The following FCHSD2 variants were observed in gnomAD, a reference collection of about 807,000 sequenced individuals.
FCHSD2 encodes FCH and double SH3 domains 2.
Under a neutral mutation model 108.1 loss-of-function variants are expected in FCHSD2, and 38 were observed. That is an observed-to-expected ratio of 0.35 (90% confidence interval 0.27 to 0.46). FCHSD2 has a LOEUF of 0.46. Among genes scored for constraint, FCHSD2 ranks in the 20% least tolerant of loss-of-function variants. FCHSD2 has a pLI of 1.00. For missense variants in FCHSD2, 751 were observed against 897.8 expected (o/e 0.84, Z 2.09); for synonymous variants, 279 against 314.7 (o/e 0.89, Z 1.20).
intron 4 of FCHSD2, among the ~76,000 whole-genome samples, chr11:73,009,336 A>G (rs1163475498): frequency 1.3e-5 from 2 of 152,046 alleles, no homozygotes; most frequent in Admixed American, 1.3e-4. Context: ...ATCTCTACTA[A>G]AAATACAAAA....
intron 8 of FCHSD2, among the ~76,000 whole-genome samples, chr11:72,943,242 C>T (rs1411774912): frequency 6.6e-6 from 1 of 151,968 alleles, no homozygotes; most frequent in East Asian, 1.9e-4. Context: ...ATCTGCCCAC[C>T]TCTACCTCCC....
chr11:73,053,137 C>A (rs1858940872), intron 3 of FCHSD2, among the ~76,000 whole-genome samples: 1 of 149,546 alleles, frequency 6.7e-6, no homozygotes, highest in Non-Finnish European at 1.5e-5. Context: ...TGAGCCACTG[C>A]ACCCAGCCTT....
intron 3 of FCHSD2, among the ~76,000 whole-genome samples, chr11:73,070,475 G>A (rs1383895907): frequency 6.6e-6 from 1 of 152,112 alleles, no homozygotes; most frequent in East Asian, 1.9e-4. Flanking sequence ...CCAGGCTGGA[G>A]TGCAGTGGCA....
intron 2 of FCHSD2, among the ~76,000 whole-genome samples, chr11:73,126,568 C>T (rs930991111): frequency 7.3e-5 from 11 of 151,552 alleles, no homozygotes; most frequent in Admixed American, 2.6e-4. Context: ...AATTAAAAGC[C>T]AAAAATGGCA....
chr11:73,007,451 T>C (rs953000154), intron 4 of FCHSD2, among the ~76,000 whole-genome samples: 1 of 151,900 alleles, frequency 6.6e-6, no homozygotes, highest in Non-Finnish European at 1.5e-5. Context: ...CAAAACCTCA[T>C]CTCTACAAAA....
intron 9 of FCHSD2, among the ~76,000 whole-genome samples, chr11:72,916,913 T>C (rs944818725): frequency 6.6e-6 from 1 of 151,680 alleles, no homozygotes; most frequent in Non-Finnish European, 1.5e-5. Context: ...AGGTCATTGA[T>C]CAATTTTGAG....
chr11:73,142,191 T>G lies in FCHSD2; in HGVS notation c.-314A>C. Reference sequence around the variant, plus strand: ...GGCCCCAGGAGCAGGGGCGCGAGGGTCTCAGCCGGCCGGGCGGCGGGTTAG... The same window carrying G: ...GGCCCCAGGAGCAGGGGCGCGAGGGGCTCAGCCGGCCGGGCGGCGGGTTAG... On this transcript the variant is annotated 5_prime_UTR_variant, in exon 1 of 20. Coordinates refer to ENST00000409418, the MANE Select transcript of FCHSD2 (RefSeq NM_014824.3). The G allele has an allele frequency of 5.3e-6, 1 of 190,256 alleles. No individual in the cohort carries two copies. The highest frequency in any genetic ancestry group is 1.1e-5 in the Non-Finnish European group (1 of 93,918). 11.8% of individuals were successfully genotyped at this position (190,256 alleles called of 1,614,324 possible). A position where few individuals can be genotyped will look rare whatever the true frequency, so the allele number is the denominator to read the frequency against.
intron 13 of FCHSD2, among the ~76,000 whole-genome samples, chr11:72,851,728 C>T (rs766196273): frequency 6.6e-5 from 10 of 151,760 alleles, no homozygotes; most frequent in African/African-American, 9.7e-5. Context: ...GGTGACAGAG[C>T]GAGACTCTGT....
At chr11:72,954,281 C>T (rs1856672865) in intron 8 of FCHSD2, among the ~76,000 whole-genome samples, 1 of 146,462 alleles carries the variant, frequency 6.8e-6, no homozygotes, top group African/African-American at 2.5e-5. Flanking sequence ...CATGGCGGCT[C>T]ACTGCAAGCC....
chr11:73,046,640 TATAG>T (rs1459229177), intron 3 of FCHSD2, among the ~76,000 whole-genome samples: 1 of 152,222 alleles, frequency 6.6e-6, no homozygotes, highest in Non-Finnish European at 1.5e-5. Context: ...AAATTTTAAA[TATAG>T]ATAGACTTCG....
At chr11:73,129,929 C>A (rs1410567945) in intron 2 of FCHSD2, among the ~76,000 whole-genome samples, 7 of 141,074 alleles carry the variant, frequency 5.0e-5, no homozygotes, top group Non-Finnish European at 3.0e-5. Flanking sequence ...GGCTGGAGTG[C>A]AGTGGTGTGA....
intron 3 of FCHSD2, among the ~76,000 whole-genome samples, chr11:73,051,137 T>A (rs1858889148): frequency 6.6e-6 from 1 of 152,128 alleles, no homozygotes. Context: ...GCTAACAAAG[T>A]GAGACCCTGT....
At chr11:72,889,274 T>C (rs1242435190) in intron 11 of FCHSD2, among the ~76,000 whole-genome samples, 1 of 152,194 alleles carries the variant, frequency 6.6e-6, no homozygotes, top group Non-Finnish European at 1.5e-5. Flanking sequence ...ATTATGTCTT[T>C]TAAAAAATAT....
chr11:72,930,071 T>C (rs548387112), intron 8 of FCHSD2, among the ~76,000 whole-genome samples: 85 of 152,288 alleles, frequency 5.6e-4, no homozygotes, highest in African/African-American at 2.0e-3. Flanking sequence ...AAAAATAATA[T>C]GTTGTGAAAG....
At chr11:72,980,669 G>C (rs1172915965) in intron 8 of FCHSD2, among the ~76,000 whole-genome samples, 1 of 96,514 alleles carries the variant, frequency 1.0e-5, no homozygotes, top group Admixed American at 1.2e-4. Flanking sequence ...GTGTATGTGT[G>C]TGTGTGTATA....
rs1857585362 is a variant in FCHSD2, at chr11:72,999,599, CGT to C, written c.387+1389_387+1390del. 2.6e-5 allele frequency among the ~76,000 whole-genome samples: 4 copies of C among 152,154 alleles called. No homozygotes were observed. The South Asian group carries it at 8.3e-4, about 32-fold the overall frequency. On this transcript the variant is annotated intron_variant, in intron 5 of 19. Coordinates refer to ENST00000409418, the MANE Select transcript of FCHSD2 (RefSeq NM_014824.3). ...CCATCCAAAGTGCTGGGATTACAGG[CGT>C]GAGCCACCACACCCGGCCTTATCAA... is the stretch of plus-strand genomic sequence containing the variant.
At chr11:72,961,675 A>G (rs1856821626) in intron 8 of FCHSD2, among the ~76,000 whole-genome samples, 1 of 152,236 alleles carries the variant, frequency 6.6e-6, no homozygotes, top group South Asian at 2.1e-4. Flanking sequence ...AGAGCAAGTT[A>G]TTAAATATAC....
intron 13 of FCHSD2, among the ~76,000 whole-genome samples, chr11:72,861,931 CA>C (rs35078687): frequency 0.97 from 106,121 of 109,598 alleles, 51,383 homozygotes; most frequent in East Asian, 0.98. Flanking sequence ...AACGCCGTCT[CA>C]AAAAAAAAAA....
chr11:73,077,120 G>GAA (rs1239579758), intron 3 of FCHSD2, among the ~76,000 whole-genome samples: 4 of 128,070 alleles, frequency 3.1e-5, no homozygotes, highest in African/African-American at 1.2e-4. Context: ...AAAAGAAAAA[G>GAA]AAAAAAAAGA....
Sources: allele counts gnomAD v4.1 joint callset (sites outside exome capture counted in the v4.1 genomes callset), GRCh38; gene constraint gnomAD v4.1.1; transcripts MANE v1.5; gene names NCBI Gene and HGNC (gene_info 2026-07-23, HGNC 2026-07-21).